The following TRHDE variants were observed in gnomAD, a reference collection of about 807,000 sequenced individuals.
TRHDE encodes the protein thyrotropin-releasing hormone-degrading ectoenzyme.
In TRHDE, 72 loss-of-function variants were observed where a neutral mutation model predicts 125.7. The ratio of observed to expected loss-of-function variants is 0.57; its 90% CI spans 0.47 to 0.70. TRHDE has a LOEUF of 0.70. Ranked by LOEUF, TRHDE falls within the 30% of genes least tolerant of loss-of-function variation. TRHDE has a pLI of 0.00. For synonymous variants in TRHDE, 509 were observed against 509.1 expected (o/e 1.00, Z 0.00); for missense variants, 1,110 against 1,327.1 (o/e 0.84, Z 2.54).
At chr12:72,401,164 T>C (rs1873027846) in intron 3 of TRHDE, among the ~76,000 whole-genome samples, 1 of 152,148 alleles carries the variant, frequency 6.6e-6, no homozygotes, top group Non-Finnish European at 1.5e-5. Context: ...TTTTGGTGGG[T>C]ATTTGTCTTG....
chr12:72,364,404 T>C (rs1468063289), intron 2 of TRHDE, among the ~76,000 whole-genome samples: 1 of 152,062 alleles, frequency 6.6e-6, no homozygotes, highest in South Asian at 2.1e-4. Flanking sequence ...CTTAATCCCC[T>C]TTGAAAACTT....
Position 72,286,965 on chromosome 12 carries a change from T to C in TRHDE, c.1188+11T>C. Reference sequence around the variant, plus strand: ...AAGAGTGGGGTTGTAGTAAGTATTTTCAGCTTAATGATGTTTTTGGATAAT... The same window carrying C: ...AAGAGTGGGGTTGTAGTAAGTATTTCCAGCTTAATGATGTTTTTGGATAAT... On this transcript the variant is annotated intron_variant, in intron 2 of 18. Coordinates refer to ENST00000261180, the MANE Select transcript of TRHDE (RefSeq NM_013381.3). 1 of 1,610,968 alleles carries C rather than the reference T, an allele frequency of 6.2e-7. No individual in the cohort carries two copies. Among genetic ancestry groups the C allele is most frequent in the Non-Finnish European group, 8.5e-7 (1 of 1,178,612 alleles).
intron 2 of TRHDE, among the ~76,000 whole-genome samples, chr12:72,194,403 A>G (rs934801510): frequency 6.6e-6 from 1 of 152,092 alleles, no homozygotes; most frequent in African/African-American, 2.4e-5. Context: ...CCTGTAGAGC[A>G]CCCAGAATGA....
intron 15 of TRHDE, among the ~76,000 whole-genome samples, chr12:72,640,260 C>T (rs180965260): frequency 2.0e-5 from 3 of 152,314 alleles, no homozygotes; most frequent in South Asian, 2.1e-4. Flanking sequence ...GGGAGTGACC[C>T]GATCTTCCAG....
chr12:72,219,809 T>C (rs1434103275), intron 2 of TRHDE, among the ~76,000 whole-genome samples: 1 of 152,106 alleles, frequency 6.6e-6, no homozygotes, highest in East Asian at 1.9e-4. Context: ...TACCTGATGT[T>C]GGGAATGTAA....
chr12:72,478,994 C>T (rs893285890), intron 5 of TRHDE, among the ~76,000 whole-genome samples: 6 of 149,264 alleles, frequency 4.0e-5, no homozygotes, highest in African/African-American at 1.5e-4. Flanking sequence ...GTTAAACTAG[C>T]TTTCACTGAG....
intron 3 of TRHDE, among the ~76,000 whole-genome samples, chr12:72,403,342 G>C (rs1368022304): frequency 6.6e-6 from 1 of 152,166 alleles, no homozygotes; most frequent in African/African-American, 2.4e-5. Context: ...TTATTTTTCA[G>C]ACAAAATAAT....
chr12:72,130,746 G>T (rs1266838450), intron 2 of TRHDE, among the ~76,000 whole-genome samples: 1 of 152,154 alleles, frequency 6.6e-6, no homozygotes, highest in African/African-American at 2.4e-5. Context: ...ACAGGGTATG[G>T]CTATTAAGTA....
chr12:72,238,325 T>TATATATAC (rs1878397323), intron 2 of TRHDE, among the ~76,000 whole-genome samples: 1 of 32,256 alleles, frequency 3.1e-5, no homozygotes, highest in African/African-American at 1.1e-4. Flanking sequence ...TATATATACA[T>TATATATAC]ATATATATAC....
chr12:72,376,321 T>G (rs1401200972), intron 2 of TRHDE, among the ~76,000 whole-genome samples: 1 of 152,198 alleles, frequency 6.6e-6, no homozygotes, highest in Non-Finnish European at 1.5e-5. Context: ...ATTAAATCAC[T>G]TGTACATTCA....
At position 72,654,544 on chromosome 12, in the gene TRHDE, C is replaced by T. The variant is rs955986949; in HGVS notation, c.2984+1388C>T. On this transcript the variant is annotated intron_variant, in intron 17 of 18. Coordinates refer to ENST00000261180, the MANE Select transcript of TRHDE (RefSeq NM_013381.3). ...TAATTCAGACATTTTCCCTGCCTTT[C>T]TCCCTGTGATGGATAATTGGCCATA... Among the ~76,000 whole-genome samples the T allele has an allele frequency of 3.3e-5, 5 of 152,122 alleles. No individual in the cohort carries two copies. In the East Asian group the frequency reaches 7.7e-4, roughly 23 times the overall value.
At chr12:72,217,678 G>A (rs905769246) in intron 2 of TRHDE, among the ~76,000 whole-genome samples, 1 of 152,148 alleles carries the variant, frequency 6.6e-6, no homozygotes, top group Non-Finnish European at 1.5e-5. Context: ...GATCTCTGCA[G>A]ATTCAACAGA....
At chr12:72,093,228 T>C (rs1192422150) in intron 1 of TRHDE, among the ~76,000 whole-genome samples, 3 of 152,188 alleles carry the variant, frequency 2.0e-5, no homozygotes, top group Non-Finnish European at 4.4e-5. Flanking sequence ...ATGAATCTCT[T>C]TCTTCTTGCT....
At chr12:72,553,346 G>T (rs1486088142) in intron 7 of TRHDE, among the ~76,000 whole-genome samples, 1 of 152,130 alleles carries the variant, frequency 6.6e-6, no homozygotes, top group East Asian at 1.9e-4. Flanking sequence ...AAAAGATGAG[G>T]CTTTTTTCTA....
At chr12:72,417,190 T>A (rs1464356187) in intron 3 of TRHDE, among the ~76,000 whole-genome samples, 2 of 152,034 alleles carry the variant, frequency 1.3e-5, no homozygotes, top group Admixed American at 1.3e-4. Context: ...ATATAGAAAT[T>A]CTATTGCTTT....
At chr12:72,125,460 A>T (rs74739146) in intron 2 of TRHDE, among the ~76,000 whole-genome samples, 6,816 of 152,174 alleles carry the variant, frequency 0.045, 293 homozygotes, top group South Asian at 0.11. Context: ...GGACAAGTGA[A>T]CATCACCAGG....
chr12:72,578,604 C>T (rs1871106732), intron 12 of TRHDE, among the ~76,000 whole-genome samples: 2 of 152,246 alleles, frequency 1.3e-5, no homozygotes, highest in Non-Finnish European at 2.9e-5. Flanking sequence ...GATAGTTCTT[C>T]AATGATGTGG....
intron 2 of TRHDE, among the ~76,000 whole-genome samples, chr12:72,234,789 A>G (rs1483709210): frequency 1.3e-5 from 2 of 152,212 alleles, no homozygotes; most frequent in Non-Finnish European, 2.9e-5. Flanking sequence ...GAATTTAGGT[A>G]AACAACACTT....
intron 2 of TRHDE, among the ~76,000 whole-genome samples, chr12:72,117,464 G>A (rs896442503): frequency 6.6e-6 from 1 of 152,108 alleles, no homozygotes; most frequent in African/African-American, 2.4e-5. Context: ...GCACCATGCT[G>A]TTTTGACTAC....
Sources: allele counts gnomAD v4.1 joint callset (sites outside exome capture counted in the v4.1 genomes callset), GRCh38; gene constraint gnomAD v4.1.1; transcripts MANE v1.5; gene names NCBI Gene and HGNC (gene_info 2026-07-23, HGNC 2026-07-21).